Variants in TMEM247 observed in about 807,000 individuals in gnomAD.
TMEM247 encodes transmembrane protein ENSP00000343375.
TMEM247 carries 23 observed loss-of-function variants against 20.7 expected under a neutral mutation model. The observed-to-expected ratio is 1.11, with a 90% CI of 0.80 to 1.57. The LOEUF is 1.57. Among genes scored for constraint, TMEM247 ranks in the 40% most tolerant of loss-of-function variants. TMEM247 has a pLI of 0.00. For synonymous variants in TMEM247, 106 were observed against 111.9 expected (o/e 0.95, Z 0.33); for missense variants, 354 against 283.8 (o/e 1.25, Z -1.78).
chr2:46,483,941 C>G (rs1291938042), intron 2 of TMEM247, among the ~76,000 whole-genome samples: 1 of 152,086 alleles, frequency 6.6e-6, no homozygotes, highest in Non-Finnish European at 1.5e-5. Context: ...CACACGCCAC[C>G]AGATTTGGCT....
At chr2:46,484,213 C>T (rs1396690223) in intron 2 of TMEM247, 31 bp from the exon 3 acceptor site, 1 of 1,529,348 alleles carries the variant, frequency 6.5e-7, no homozygotes, top group Non-Finnish European at 8.8e-7. Flanking sequence ...ACAATGGCAT[C>T]ATCATCTCCA....
chr2:46,479,651 C>T, exon 1 of TMEM247: 2 of 1,551,746 alleles, frequency 1.3e-6, no homozygotes, highest in East Asian at 2.4e-5. Context: ...CGACCTTCCC[C>T]AAGATGGTGC....
In TMEM247 at chr2:46,484,401, GT is replaced by G. The variant is rs1686949866; in HGVS notation, c.638del (p.Leu213Ter). ...TTCTGCATTGCAGCCATTTTGCTCT[GT>G]TTGATTAAAACTTTCTGGTCATACT... On this transcript the variant is annotated frameshift_variant, in exon 3 of 3. Transcript: ENST00000434431. LOFTEE classifies it high-confidence loss of function. 6.4e-7 allele frequency: 1 copy of G among 1,551,696 alleles called. No homozygotes were observed.
chr2:46,479,616 G>T (rs564432079), exon 1 of TMEM247: 1 of 1,551,776 alleles, frequency 6.4e-7, no homozygotes, highest in African/African-American at 1.4e-5. Flanking sequence ...GATGATGGAA[G>T]CCCGGGGTGC....
At chr2:46,483,880 T>C (rs1168827720) in intron 2 of TMEM247, among the ~76,000 whole-genome samples, 1 of 152,168 alleles carries the variant, frequency 6.6e-6, no homozygotes, top group Non-Finnish European at 1.5e-5. Context: ...CCCGAACTCT[T>C]GGGCTCAAGT....
exon 2 of TMEM247, chr2:46,480,564 C>T: frequency 6.4e-7 from 1 of 1,551,684 alleles, no homozygotes; most frequent in East Asian, 2.4e-5. Context: ...CGCAGAGCTG[C>T]CCCCGACCCC....
chr2:46,483,162 T>G (rs1686920696), intron 2 of TMEM247, among the ~76,000 whole-genome samples: 1 of 152,218 alleles, frequency 6.6e-6, no homozygotes, highest in Non-Finnish European at 1.5e-5. Flanking sequence ...TAAAAAATAA[T>G]GCATGGGTTA....
intron 2 of TMEM247, 63 bp from the exon 3 acceptor site, chr2:46,484,181 A>G: frequency 6.9e-7 from 1 of 1,440,834 alleles, no homozygotes; most frequent in Non-Finnish European, 9.4e-7. Context: ...AGCAGGACTG[A>G]ACCTAGATCT....
intron 2 of TMEM247, among the ~76,000 whole-genome samples, chr2:46,483,352 G>A (rs1432871926): frequency 1.3e-5 from 2 of 152,166 alleles, no homozygotes; most frequent in Non-Finnish European, 2.9e-5. Flanking sequence ...ATACTCTGAG[G>A]GTTTAGGGAG....
chr2:46,482,532 CCTCT>C (rs1378606515), intron 2 of TMEM247, among the ~76,000 whole-genome samples: 10 of 152,170 alleles, frequency 6.6e-5, no homozygotes, highest in African/African-American at 7.2e-5. Flanking sequence ...GGTATATAGT[CCTCT>C]CTCTATTTCT....
chr2:46,484,233 C>A lies in TMEM247; in HGVS notation c.478-11C>A. ...GGCATCATCATCTCCACTGTCTTCT[C>A]TCCCCCACAGTTTTCAGGAGGCCTC... On this transcript the variant is annotated splice_polypyrimidine_tract_variant and intron_variant, in intron 2 of 2. Transcript: ENST00000434431. The A allele has an allele frequency of 6.5e-7, 1 of 1,546,126 alleles. No individual in the cohort carries two copies. The highest frequency in any genetic ancestry group is 8.7e-7 in the Non-Finnish European group (1 of 1,144,100).
chr2:46,481,192 C>T (rs1686881733), intron 2 of TMEM247, among the ~76,000 whole-genome samples: 1 of 152,202 alleles, frequency 6.6e-6, no homozygotes, highest in Non-Finnish European at 1.5e-5. Context: ...TGCCTGGAGA[C>T]TAGACCCAGA....
chr2:46,483,681 G>T (rs1686933625), intron 2 of TMEM247, among the ~76,000 whole-genome samples: 1 of 152,184 alleles, frequency 6.6e-6, no homozygotes, highest in African/African-American at 2.4e-5. Context: ...CCCCAGTCAG[G>T]AGGGATAAGA....
intron 2 of TMEM247, among the ~76,000 whole-genome samples, chr2:46,481,611 G>C (rs1240968423): frequency 6.6e-6 from 1 of 152,196 alleles, no homozygotes; most frequent in Non-Finnish European, 1.5e-5. Flanking sequence ...AGGAATCAAT[G>C]AGAGAACACA....
exon 2 of TMEM247, chr2:46,480,573 C>T: frequency 6.4e-7 from 1 of 1,551,748 alleles, no homozygotes. Context: ...GCCCCCGACC[C>T]CTGGGACTGA....
At chr2:46,481,158 C>G (rs753414866) in intron 2 of TMEM247, among the ~76,000 whole-genome samples, 1 of 152,192 alleles carries the variant, frequency 6.6e-6, no homozygotes, top group Non-Finnish European at 1.5e-5. Flanking sequence ...CTCACAAGTC[C>G]TCTCTGCATC....
rs529666395 is a variant in TMEM247, at chr2:46,480,865, C to T, written c.477+101C>T. The T allele has an allele frequency of 3.3e-4, 455 of 1,396,478 alleles. 6 individuals carry two copies. In the South Asian group the frequency reaches 6.3e-3, roughly 19 times the overall value. The allele number at this position is 1,396,478 out of a possible 1,614,324, so 86.5% of individuals were successfully genotyped here. ...CACCTTCCCTGCTTTGCGCGGCACC[C>T]CACCCTGCAGATCCTGGATCTCGGC... On this transcript the variant is annotated intron_variant, in intron 2 of 2. Transcript: ENST00000434431.
rs972757288 is a variant in TMEM247 at position 46,480,715 on chromosome 2, A to C, written c.428A>C (p.Gln143Pro). 3.9e-6 allele frequency: 6 copies of C among 1,551,298 alleles called. No individual in the cohort carries two copies. The African/African-American group carries it at 8.2e-5, about 21-fold the overall frequency. The change falls in exon 2 of 3, where the codon CAG becomes CCG. Residue 143 changes from glutamine (Q) to proline (P), a missense_variant. Coordinates refer to ENST00000434431, the Ensembl canonical transcript of TMEM247. ...ATGGAGCAGCTGCAGCGGGAGCGGC[A>C]GCACGAGGTGGTGATGGAGCAGCTG...
Position 46,480,918 on chromosome 2 carries a change from G to A in TMEM247, c.477+154G>A, listed in dbSNP as rs962921721. On this transcript the variant is annotated intron_variant, in intron 2 of 2. Coordinates refer to ENST00000434431, the Ensembl canonical transcript of TMEM247. ...AAAGGGGCTGAGCATCCACTCGGGCGGTCTCCAGCCCTCTCCGCCTTGGCT... is the reference window on the plus strand; with the variant it reads ...AAAGGGGCTGAGCATCCACTCGGGCAGTCTCCAGCCCTCTCCGCCTTGGCT... 2.6e-5 allele frequency among the ~76,000 whole-genome samples: 4 copies of A among 152,242 alleles called. No homozygotes were observed. In the East Asian group the frequency reaches 7.7e-4, roughly 29 times the overall value.
Sources: gnomAD v4.1 joint callset for allele counts (sites outside exome capture counted in the v4.1 genomes callset) on GRCh38, gnomAD v4.1.1 for gene constraint, MANE v1.5 for transcripts, NCBI Gene and HGNC (gene_info 2026-07-23, HGNC 2026-07-21) for gene names.